Variants in PGM5 observed in about 807,000 individuals in gnomAD.
The protein encoded by PGM5 is phosphoglucomutase 5.
A neutral mutation model predicts 59.2 loss-of-function variants in PGM5; 23 were observed. The observed-to-expected ratio is 0.39, with a 90% CI of 0.28 to 0.55. The LOEUF (loss-of-function observed/expected upper bound fraction) is 0.55. Among genes scored for constraint, PGM5 ranks in the 20% least tolerant of loss-of-function variants. The pLI is 0.66. For missense variants in PGM5, 574 were observed against 748.3 expected, an observed-to-expected ratio of 0.77 and a Z score of 2.72; for synonymous variants, 214 against 286.0, an observed-to-expected ratio of 0.75 and a Z score of 2.54.
intron 10 of PGM5, among the ~76,000 whole-genome samples, chr9:68,510,111 G>A (rs1158466525): frequency 6.6e-6 from 1 of 151,086 alleles, no homozygotes; most frequent in East Asian, 1.9e-4. Context: ...AAAGCTGGAT[G>A]GCCTCTGATA....
chr9:68,364,328 A>G (rs184526118), intron 1 of PGM5, among the ~76,000 whole-genome samples: 1 of 152,326 alleles, frequency 6.6e-6, no homozygotes, highest in African/African-American at 2.4e-5. Context: ...TTTTGCATTT[A>G]CTAGAACTAT....
rs558361125 is a variant in PGM5 at position 68,446,289 on chromosome 9, G to A, written c.1044-18804G>A. On this transcript the variant is annotated intron_variant, in intron 6 of 10. Transcript: ENST00000396396. The stretch of plus-strand genomic sequence containing the variant: ...AATTCAAGGAGGACATTACCACAAT[G>A]TTTGAAATAACTATGCATATTATAT... Among the ~76,000 whole-genome samples, 14 of 152,358 alleles carry A rather than the reference G, an allele frequency of 9.2e-5. No individual in the cohort carries two copies. The South Asian group carries it at 2.9e-3, about 32-fold the overall frequency.
chr9:68,366,894 AAAG>A lies in PGM5; in HGVS notation c.261+9510_261+9512del, dbSNP rs1197788807. The stretch of plus-strand genomic sequence containing the variant: ...AAAATATTTTGCTCTGATTAAAATA[AAAG>A]AAGGACGAGATCATGTGTGTTTTTG... On this transcript the variant is annotated intron_variant, in intron 1 of 10. Transcript: ENST00000396396. 2.0e-5 allele frequency among the ~76,000 whole-genome samples: 3 copies of A among 152,254 alleles called. No individual in the cohort carries two copies. The East Asian group carries it at 5.8e-4, about 29-fold the overall frequency.
rs1177737653 is a variant in PGM5, at chr9:68,376,811, T to TTCTTTC, written c.262-1386_262-1381dup. ...TTTCTTTCTTTCTTTCTTTCTTTCTTTCTTTCTTTCTTTCTTTCTTTCTCT... is the reference window on the plus strand; with the variant it reads ...TTTCTTTCTTTCTTTCTTTCTTTCTTTCTTTCTCTTTCTTTCTTTCTTTCTTTCTCT... On this transcript the variant is annotated intron_variant, in intron 1 of 10. Transcript: ENST00000396396. Among the ~76,000 whole-genome samples the TTCTTTC allele has an allele frequency of 3.2e-3, 355 of 111,894 alleles. 13 individuals are homozygous for TTCTTTC. The highest frequency in any genetic ancestry group is 0.011 in the African/African-American group (290 of 27,128). 73.4% of individuals were successfully genotyped at this position (111,894 alleles called of 152,430 possible).
chr9:68,501,261 A>C (rs1181266295), intron 10 of PGM5, among the ~76,000 whole-genome samples: 1 of 152,196 alleles, frequency 6.6e-6, no homozygotes, highest in Non-Finnish European at 1.5e-5. Context: ...GTTTTACATT[A>C]AAATAGAACT....
At chr9:68,422,433 T>G (rs1823147431) in intron 6 of PGM5, among the ~76,000 whole-genome samples, 1 of 151,480 alleles carries the variant, frequency 6.6e-6, no homozygotes, top group African/African-American at 2.4e-5. Flanking sequence ...TGGTGGTTTT[T>G]TGTTTTGTTT....
rs1312969399 is a variant in PGM5, at chr9:68,407,971, G to A, written c.1043+15498G>A. The stretch of plus-strand genomic sequence containing the variant: ...CTCAACCCCAATTTATCATTATTAT[G>A]GCTGTTTTTTTGCTTTCATAATGAC... On this transcript the variant is annotated intron_variant, in intron 6 of 10. Coordinates refer to ENST00000396396, the MANE Select transcript of PGM5 (RefSeq NM_021965.4). Among the ~76,000 whole-genome samples, 3 of 152,250 alleles carry A rather than the reference G, an allele frequency of 2.0e-5. No homozygotes were observed. The East Asian group carries it at 5.8e-4, about 29-fold the overall frequency.
intron 10 of PGM5, among the ~76,000 whole-genome samples, chr9:68,519,961 G>A (rs1161881648): frequency 6.6e-6 from 1 of 150,884 alleles, no homozygotes; most frequent in Non-Finnish European, 1.5e-5. Flanking sequence ...GTGATGGTGT[G>A]CACTTGTAGT....
At chr9:68,414,230 C>A (rs1554681817) in intron 6 of PGM5, among the ~76,000 whole-genome samples, 1 of 152,166 alleles carries the variant, frequency 6.6e-6, no homozygotes, top group Non-Finnish European at 1.5e-5. Context: ...GCCCGCAGAA[C>A]CATGAGCTAA....
At chr9:68,460,209 C>A (rs1392091226) in intron 6 of PGM5, among the ~76,000 whole-genome samples, 1 of 152,112 alleles carries the variant, frequency 6.6e-6, no homozygotes, top group Non-Finnish European at 1.5e-5. Context: ...TAAACAGAGC[C>A]ATCAATATAT....
intron 6 of PGM5, chr9:68,428,682 T>G (rs1823289983): frequency 6.6e-6 from 1 of 152,262 alleles, no homozygotes; most frequent in African/African-American, 2.4e-5. Flanking sequence ...GAGAACACTC[T>G]GCTCTGTGCT....
chr9:68,408,845 C>T (rs1484754474), intron 6 of PGM5, among the ~76,000 whole-genome samples: 14 of 152,096 alleles, frequency 9.2e-5, no homozygotes, highest in African/African-American at 3.1e-4. Context: ...CTTTCCCCAT[C>T]GCTTTTTTTT....
chr9:68,482,262 G>T (rs993126643), intron 8 of PGM5, among the ~76,000 whole-genome samples: 7 of 152,106 alleles, frequency 4.6e-5, no homozygotes, highest in African/African-American at 1.7e-4. Context: ...TCTCCTGCTA[G>T]ACTCTCTTCT....
At chr9:68,492,144 G>A (rs1304622223) in intron 9 of PGM5, among the ~76,000 whole-genome samples, 1 of 152,132 alleles carries the variant, frequency 6.6e-6, no homozygotes, top group Non-Finnish European at 1.5e-5. Flanking sequence ...GAGAAAAGCT[G>A]CAAATGATCA....
chr9:68,397,330 G>A (rs149749315), intron 6 of PGM5: 1 of 152,512 alleles, frequency 6.6e-6, no homozygotes, highest in Non-Finnish European at 1.5e-5. Flanking sequence ...GCTTGGGGCT[G>A]TGCCGAATTC....
At chr9:68,503,749 A>G (rs1260105953) in intron 10 of PGM5, among the ~76,000 whole-genome samples, 2 of 152,238 alleles carry the variant, frequency 1.3e-5, no homozygotes, top group Non-Finnish European at 2.9e-5. Flanking sequence ...TTCTCAACCC[A>G]GGCAGGCTGC....
At chr9:68,405,494 C>A (rs1214430667) in intron 6 of PGM5, 1 of 152,382 alleles carries the variant, frequency 6.6e-6, no homozygotes, top group African/African-American at 2.4e-5. Flanking sequence ...TCACTAATAA[C>A]TGACAGTGGT....
At chr9:68,527,908 T>G (rs1825013878) in intron 10 of PGM5, among the ~76,000 whole-genome samples, 1 of 152,238 alleles carries the variant, frequency 6.6e-6, no homozygotes, top group Admixed American at 6.5e-5. Flanking sequence ...CACCTCACTC[T>G]AGCATTTAGG....
chr9:68,412,084 T>C (rs1822945247), intron 6 of PGM5, among the ~76,000 whole-genome samples: 1 of 149,278 alleles, frequency 6.7e-6, no homozygotes, highest in South Asian at 2.2e-4. Flanking sequence ...CATAGCACTT[T>C]GTTACTCACA....
Sources: gnomAD v4.1 joint callset for allele counts (sites outside exome capture counted in the v4.1 genomes callset) on GRCh38, gnomAD v4.1.1 for gene constraint, MANE v1.5 for transcripts, NCBI Gene and HGNC (gene_info 2026-07-23, HGNC 2026-07-21) for gene names.